The following TMEM117 variants were observed in gnomAD, a reference collection of about 807,000 sequenced individuals.
TMEM117 encodes the protein transmembrane protein 117.
In TMEM117, 27 loss-of-function variants were observed where a neutral mutation model predicts 52.4. The ratio of observed to expected loss-of-function variants is 0.51; its 90% CI spans 0.38 to 0.71. The LOEUF is 0.71. Among genes scored for constraint, TMEM117 ranks in the 30% least tolerant of loss-of-function variants. The pLI, the probability that TMEM117 is intolerant of heterozygous loss-of-function variation, is 0.00. For synonymous variants in TMEM117, 215 were observed against 206.3 expected, an observed-to-expected ratio of 1.04 and a Z score of -0.36; for missense variants, 556 against 630.5, an observed-to-expected ratio of 0.88 and a Z score of 1.26.
chr12:43,846,618 A>G (rs1592302427), intron 2 of TMEM117, among the ~76,000 whole-genome samples: 1 of 152,334 alleles, frequency 6.6e-6, no homozygotes, highest in East Asian at 1.9e-4. Context: ...ATAAAAACTT[A>G]CTTCCTACAG....
intron 6 of TMEM117, among the ~76,000 whole-genome samples, chr12:44,330,137 C>T (rs1359073695): frequency 6.6e-6 from 1 of 151,994 alleles, no homozygotes; most frequent in African/African-American, 2.4e-5. Context: ...CCAATTTCTC[C>T]ACATCCTCTC....
At chr12:44,151,896 TATC>T (rs1027801924) in intron 4 of TMEM117, among the ~76,000 whole-genome samples, 5 of 129,446 alleles carry the variant, frequency 3.9e-5, no homozygotes, top group African/African-American at 8.5e-5. Flanking sequence ...ATATATTTAA[TATC>T]ATTTAATATA....
intron 2 of TMEM117, among the ~76,000 whole-genome samples, chr12:43,939,137 G>C (rs774689576): frequency 6.6e-6 from 1 of 152,108 alleles, no homozygotes; most frequent in Non-Finnish European, 1.5e-5. Flanking sequence ...AATATTACTG[G>C]TATGTGGAAT....
chr12:43,944,289 C>A lies in TMEM117; in HGVS notation c.357C>A (p.Leu119=). 1 of 1,613,244 alleles carries A rather than the reference C, an allele frequency of 6.2e-7. No homozygotes were observed. The highest frequency in any genetic ancestry group is 8.5e-7 in the Non-Finnish European group (1 of 1,179,362). Residue 119 remains leucine (L), a synonymous_variant, in exon 3 of 8, where the codon CTC becomes CTA. Coordinates refer to ENST00000266534, the MANE Select transcript of TMEM117 (RefSeq NM_032256.3). ...TGTTCTTCAGCACAATTCTCTTTCT[C>A]TTCATATTTTCTCACATATACAACA... ...MTMFFSTILF[L]FIFSHIYNTI...
intron 6 of TMEM117, among the ~76,000 whole-genome samples, chr12:44,347,690 G>C (rs2138769615): frequency 6.6e-6 from 1 of 152,126 alleles, no homozygotes; most frequent in Admixed American, 6.6e-5. Context: ...TACTAACAGA[G>C]GTGATTTTCT....
In TMEM117 at chr12:44,388,087, G is replaced by T; in HGVS notation, c.960G>T (p.Lys320Asn). ...LVLILDLNMW[K>N]NQIFYKPHEY... ...TGATTTTGGATCTTAATATGTGGAA[G>T]AACCAAATATTTTATAAACCTCATG... Residue 320 changes from lysine to asparagine, a missense_variant, in exon 8 of 8, where the codon AAG becomes AAT. Around this residue, in one of 3 missense-constraint regions of TMEM117, gnomAD observed 22 missense variants for 48.1 expected, o/e 0.46. Transcript: ENST00000266534. 6.2e-7 allele frequency: 1 copy of T among 1,612,634 alleles called. No individual in the cohort carries two copies. The highest frequency in any genetic ancestry group is 8.5e-7 in the Non-Finnish European group (1 of 1,179,318).
chr12:44,331,089 A>G (rs1951264060), intron 6 of TMEM117, among the ~76,000 whole-genome samples: 1 of 152,010 alleles, frequency 6.6e-6, no homozygotes, highest in South Asian at 2.1e-4. Context: ...GATTTGGTCA[A>G]TTTCTGTGTG....
intron 3 of TMEM117, among the ~76,000 whole-genome samples, chr12:44,078,480 A>ATT (rs1216070015): frequency 2.0e-5 from 3 of 152,208 alleles, no homozygotes; most frequent in African/African-American, 7.2e-5. Flanking sequence ...TTGGTGAGTC[A>ATT]TTTACAGCCA....
At chr12:44,023,666 G>A (rs1209878742) in intron 3 of TMEM117, among the ~76,000 whole-genome samples, 1 of 151,700 alleles carries the variant, frequency 6.6e-6, no homozygotes, top group Non-Finnish European at 1.5e-5. Flanking sequence ...ACTTTTTGAT[G>A]GGGTTGTTTG....
chr12:43,868,136 C>G (rs1257311469), intron 2 of TMEM117, among the ~76,000 whole-genome samples: 1 of 150,198 alleles, frequency 6.7e-6, no homozygotes, highest in Admixed American at 6.7e-5. Context: ...TCTGCTGTCT[C>G]TCTCCTTCTC....
At chr12:44,194,071 G>T (rs996105693) in intron 4 of TMEM117, among the ~76,000 whole-genome samples, 8 of 152,032 alleles carry the variant, frequency 5.3e-5, no homozygotes, top group Non-Finnish European at 1.0e-4. Context: ...TGAAAATATG[G>T]GTGAGGAATG....
At chr12:44,373,261 C>G (rs1329312594) in intron 6 of TMEM117, among the ~76,000 whole-genome samples, 1 of 152,336 alleles carries the variant, frequency 6.6e-6, no homozygotes, top group East Asian at 1.9e-4. Context: ...AGCTCCTGTT[C>G]TTCTGTCTTC....
intron 5 of TMEM117, among the ~76,000 whole-genome samples, chr12:44,244,794 A>G (rs1421551971): frequency 6.6e-6 from 1 of 151,838 alleles, no homozygotes; most frequent in African/African-American, 2.4e-5. Context: ...TCTTTTCCTC[A>G]GTGTTTTCTT....
chr12:44,197,885 T>G (rs1949442261), intron 4 of TMEM117, among the ~76,000 whole-genome samples: 1 of 152,136 alleles, frequency 6.6e-6, no homozygotes, highest in African/African-American at 2.4e-5. Context: ...ATTGAGATAA[T>G]AAGAAGATGC....
chr12:44,092,747 A>G (rs888842869), intron 3 of TMEM117, among the ~76,000 whole-genome samples: 2 of 152,200 alleles, frequency 1.3e-5, no homozygotes, highest in Non-Finnish European at 1.5e-5. Flanking sequence ...CTAAGAGGCT[A>G]AGAACTATTC....
intron 3 of TMEM117, among the ~76,000 whole-genome samples, chr12:44,097,191 C>T (rs1332368595): frequency 1.1e-4 from 16 of 152,036 alleles, no homozygotes; most frequent in African/African-American, 3.6e-4. Context: ...GTTAGAATGG[C>T]GATGATTAAA....
intron 5 of TMEM117, 142 bp from the exon 6 acceptor site, chr12:44,299,438 T>C: frequency 8.6e-7 from 1 of 1,157,164 alleles, no homozygotes; most frequent in Non-Finnish European, 1.2e-6. Flanking sequence ...CGGCCAACTT[T>C]TTTCATCTTC....
intron 6 of TMEM117, among the ~76,000 whole-genome samples, chr12:44,322,790 A>G (rs1951149022): frequency 6.6e-6 from 1 of 152,144 alleles, no homozygotes; most frequent in South Asian, 2.1e-4. Context: ...TACCTGGTAT[A>G]GTAGGCAGAA....
intron 2 of TMEM117, among the ~76,000 whole-genome samples, chr12:43,921,319 A>G (rs547373061): frequency 6.6e-6 from 1 of 152,342 alleles, no homozygotes; most frequent in South Asian, 2.1e-4. Context: ...TGGATGAAGG[A>G]AAGTGTTTTG....
Sources: allele counts gnomAD v4.1 joint callset (sites outside exome capture counted in the v4.1 genomes callset), GRCh38; gene constraint gnomAD v4.1.1; regional missense constraint gnomAD v4.1.1; transcripts MANE v1.5; gene names NCBI Gene and HGNC (gene_info 2026-07-23, HGNC 2026-07-21).